Variants in CRYZ observed in about 807,000 individuals in gnomAD.
CRYZ encodes zeta-crystallin.
A neutral mutation model predicts 34.1 loss-of-function variants in CRYZ; 35 were observed. That is an observed-to-expected ratio of 1.03 (90% CI 0.78 to 1.36). CRYZ has a LOEUF of 1.36. Among genes scored for constraint, CRYZ ranks in the 40% most tolerant of loss-of-function variants. The probability of loss-of-function intolerance (pLI) is 0.00; values close to 1 mark genes in which losing one functional copy is unlikely to be tolerated. For synonymous variants in CRYZ, 137 were observed against 136.5 expected (o/e 1.00, Z -0.03); for missense variants, 403 against 391.8 (o/e 1.03, Z -0.24).
chr1:74,715,908 G>GTTT (rs554351801), intron 4 of CRYZ, among the ~76,000 whole-genome samples: 11 of 135,090 alleles, frequency 8.1e-5, no homozygotes, highest in African/African-American at 2.7e-4. Context: ...CAGAAACAGT[G>GTTT]TTTTTTTTTT....
chr1:74,706,360 G>A lies in CRYZ; in HGVS notation c.926C>T (p.Ala309Val), dbSNP rs1176760617. 1.2e-6 allele frequency: 2 copies of A among 1,612,840 alleles called. No individual in the cohort carries two copies. The highest frequency in any genetic ancestry group is 1.7e-5 in the Admixed American group (1 of 59,878). ...ATGAATGATATTTTCATGAGCCTCGGCCACCTTCTCCAATGGATATTGAGA... is the reference window on the plus strand; with the variant it reads ...ATGAATGATATTTTCATGAGCCTCGACCACCTTCTCCAATGGATATTGAGA... ...IGSQYPLEKV[A>V]EAHENIIHGS... The change falls in exon 9 of 9, where the codon GCC becomes GTC. Residue 309 changes from alanine (A) to valine (V), a missense_variant. By Grantham distance (64) the Ala-to-Val change is moderately conservative. Coordinates refer to ENST00000340866, the MANE Select transcript of CRYZ (RefSeq NM_001889.4).
At chr1:74,720,175 C>T (rs1647138996) in intron 3 of CRYZ, among the ~76,000 whole-genome samples, 1 of 151,964 alleles carries the variant, frequency 6.6e-6, no homozygotes, top group South Asian at 2.1e-4. Flanking sequence ...GGAGAAGAAA[C>T]AAATAAGATA....
chr1:74,714,744 A>T, intron 4 of CRYZ, 114 bp from the exon 5 acceptor site: 2 of 949,716 alleles, frequency 2.1e-6, no homozygotes, highest in Middle Eastern at 2.1e-4. Context: ...TTACACAAAC[A>T]GCAAATGCAA....
At chr1:74,708,260 G>A (rs1323996700) in intron 6 of CRYZ, 1 of 152,288 alleles carries the variant, frequency 6.6e-6, no homozygotes, top group African/African-American at 2.4e-5. Context: ...AAAACACAGT[G>A]AATGCCATAT....
intron 3 of CRYZ, among the ~76,000 whole-genome samples, chr1:74,720,784 G>A (rs960693232): frequency 4.0e-5 from 6 of 151,898 alleles, no homozygotes; most frequent in African/African-American, 1.5e-4. Context: ...CATTTACTGC[G>A]AATATACTAC....
At position 74,707,156 on chromosome 1, in the gene CRYZ, T is replaced by C. The variant is rs1363536789; in HGVS notation, c.679A>G (p.Asn227Asp). The change falls in exon 7 of 9, where the codon AAT becomes GAT. Residue 227 changes from asparagine (N) to aspartate (D), a missense_variant. Coordinates refer to ENST00000340866, the MANE Select transcript of CRYZ (RefSeq NM_001889.4). ...CTCAAGTCTTTACTAAGATTTACAT[T>C]AGCTAACATTTCAATAATTATATCA... ...GIDIIIEMLA[N>D]VNLSKDLSLL... 3.1e-6 allele frequency: 5 copies of C among 1,587,414 alleles called. No individual in the cohort carries two copies. The highest frequency in any genetic ancestry group is 3.4e-6 in the Non-Finnish European group (4 of 1,163,900).
intron 6 of CRYZ, 22 bp downstream of exon 6, chr1:74,710,076 G>A: frequency 6.2e-7 from 1 of 1,606,244 alleles, no homozygotes; most frequent in Non-Finnish European, 8.5e-7. Context: ...TTTGACTTTT[G>A]TAAAACAGTG....
chr1:74,724,860 T>C, intron 1 of CRYZ, 26 bp from the exon 2 acceptor site: 1 of 1,315,924 alleles, frequency 7.6e-7, no homozygotes, highest in Non-Finnish European at 1.1e-6. Flanking sequence ...AATTAATGTA[T>C]TGTCACATTG....
Position 74,707,086 on chromosome 1 carries a change from A to G in CRYZ, c.732+17T>C. On this transcript the variant is annotated intron_variant, in intron 7 of 8. Coordinates refer to ENST00000340866, the MANE Select transcript of CRYZ (RefSeq NM_001889.4). ...CATTAAAGTGGTAAAAAAAAAAAAAAGAAAAGGAATACTTACTATCACTCG... is the reference window on the plus strand; with the variant it reads ...CATTAAAGTGGTAAAAAAAAAAAAAGGAAAAGGAATACTTACTATCACTCG... The G allele has an allele frequency of 6.6e-7, 1 of 1,503,940 alleles. No individual in the cohort carries two copies. Among genetic ancestry groups the G allele is most frequent in the East Asian group, 2.3e-5 (1 of 43,838 alleles). The allele number at this position is 1,503,940 out of a possible 1,614,324, so 93.2% of individuals were successfully genotyped here. A position where few individuals can be genotyped will look rare whatever the true frequency, so the allele number is the denominator to read the frequency against.
At chr1:74,715,297 T>C (rs1569988077) in intron 4 of CRYZ, among the ~76,000 whole-genome samples, 1 of 152,200 alleles carries the variant, frequency 6.6e-6, no homozygotes, top group African/African-American at 2.4e-5. Flanking sequence ...ATGACTACTT[T>C]TCTAGTATGT....
chr1:74,724,825 G>A lies in CRYZ; in HGVS notation c.-4C>T. On this transcript the variant is annotated 5_prime_UTR_variant, in exon 2 of 9. Coordinates refer to ENST00000340866, the MANE Select transcript of CRYZ (RefSeq NM_001889.4). ...TCAACTTCTGTCCAGTCGCCATGGT[G>A]ATCTAGATACTAAGGAAGAAAAAAA... 1.3e-6 allele frequency: 2 copies of A among 1,583,896 alleles called. No individual in the cohort carries two copies. The highest frequency in any genetic ancestry group is 1.7e-6 in the Non-Finnish European group (2 of 1,157,780).
chr1:74,717,541 G>A (rs1488062398), intron 4 of CRYZ, among the ~76,000 whole-genome samples: 1 of 152,168 alleles, frequency 6.6e-6, no homozygotes. Flanking sequence ...AGCAGTGATT[G>A]CGCACTTACC....
intron 5 of CRYZ, among the ~76,000 whole-genome samples, chr1:74,713,492 T>C (rs957549109): frequency 6.6e-6 from 1 of 152,170 alleles, no homozygotes; most frequent in Non-Finnish European, 1.5e-5. Flanking sequence ...TCAAGCCCCA[T>C]AAAGACAATC....
intron 1 of CRYZ, 60 bp from the exon 2 acceptor site, chr1:74,724,894 T>G: frequency 9.9e-7 from 1 of 1,014,358 alleles, no homozygotes; most frequent in Middle Eastern, 2.1e-4. Flanking sequence ...ACCATGTTTT[T>G]CCCCCCTGGA....
chr1:74,728,193 T>C (rs891769799), intron 1 of CRYZ, among the ~76,000 whole-genome samples: 1 of 152,232 alleles, frequency 6.6e-6, no homozygotes, highest in African/African-American at 2.4e-5. Context: ...GTTCATTCAT[T>C]TTAACAAAAG....
chr1:74,711,333 G>C (rs964399034), intron 5 of CRYZ, among the ~76,000 whole-genome samples: 1 of 152,144 alleles, frequency 6.6e-6, no homozygotes, highest in Admixed American at 6.5e-5. Flanking sequence ...AAAGCGGTGA[G>C]GAAAATGGGA....
At chr1:74,708,938 T>C (rs916380223) in intron 6 of CRYZ, 4 of 152,036 alleles carry the variant, frequency 2.6e-5, no homozygotes, top group African/African-American at 9.7e-5. Context: ...TTCAAAGAAA[T>C]GTGGTCAGGG....
rs879216866 is a variant in CRYZ, at chr1:74,723,149, T to C, written c.233A>G (p.Glu78Gly). ...TPGSDVAGVI[E>G]AVGDNASAFK... ...AGCAGATGCATTATCTCCAACAGCT[T>C]CTATCACCCCAGCCACATCTGAGCC... The change falls in exon 3 of 9, where the codon GAA becomes GGA. Residue 78 changes from glutamate to glycine, a missense_variant. By Grantham distance (98) the Glu-to-Gly change is moderately conservative (BLOSUM62 -2). Coordinates refer to ENST00000340866, the MANE Select transcript of CRYZ (RefSeq NM_001889.4). The C allele has an allele frequency of 2.5e-6, 4 of 1,613,394 alleles. No homozygotes were observed. Among genetic ancestry groups the C allele is most frequent in the Non-Finnish European group, 3.4e-6 (4 of 1,179,886 alleles).
rs910029458 is a variant in CRYZ at position 74,729,137 on chromosome 1, T to G, written c.-14+3819A>C. Among the ~76,000 whole-genome samples the G allele has an allele frequency of 1.7e-3, 254 of 150,892 alleles. 1 individual carries two copies. Among genetic ancestry groups the G allele is most frequent in the African/African-American group, 5.9e-3 (245 of 41,298 alleles). ...ACATAGAGGTTGTTTTTGTTTTGTT[T>G]TTTTTTTTTTCAACATGACGTTACG... On this transcript the variant is annotated intron_variant, in intron 1 of 8. Transcript: ENST00000340866.
Sources: gnomAD v4.1 joint callset for allele counts (sites outside exome capture counted in the v4.1 genomes callset) on GRCh38, gnomAD v4.1.1 for gene constraint, MANE v1.5 for transcripts, NCBI Gene and HGNC (gene_info 2026-07-23, HGNC 2026-07-21) for gene names.